NFAT5: variants seen among roughly 807,000 people sequenced by gnomAD.
NFAT5 encodes the protein nuclear factor of activated T-cells 5.
NFAT5 carries 31 observed loss-of-function variants against 166.5 expected under a neutral mutation model. The ratio of observed to expected loss-of-function variants is 0.19; its 90% confidence interval spans 0.14 to 0.25. NFAT5 has a LOEUF of 0.25. Among genes scored for constraint, NFAT5 ranks in the 10% least tolerant of loss-of-function variants. NFAT5 has a pLI of 1.00. For missense variants in NFAT5, 1,449 were observed against 1,821.8 expected, an observed-to-expected ratio of 0.80 and a Z score of 3.72; for synonymous variants, 612 against 639.7, an observed-to-expected ratio of 0.96 and a Z score of 0.65.
chr16:69,657,579 A>G (rs1355368794), intron 6 of NFAT5, among the ~76,000 whole-genome samples: 1 of 143,806 alleles, frequency 7.0e-6, no homozygotes, highest in African/African-American at 2.6e-5. Flanking sequence ...GCCAAGATGG[A>G]GAAACCCTGT....
intron 7 of NFAT5, among the ~76,000 whole-genome samples, chr16:69,663,494 G>A (rs1295447498): frequency 6.6e-6 from 1 of 150,842 alleles, no homozygotes; most frequent in African/African-American, 2.4e-5. Context: ...CAGCTACTTG[G>A]GAGGCTGAGG....
intron 13 of NFAT5, among the ~76,000 whole-genome samples, chr16:69,694,507 G>A (rs56295329): frequency 8.5e-5 from 13 of 152,166 alleles, no homozygotes; most frequent in African/African-American, 2.6e-4. Context: ...CGCTGGCCTC[G>A]GCCTCCCAAA....
intron 2 of NFAT5, among the ~76,000 whole-genome samples, chr16:69,617,189 G>A (rs1470681941): frequency 3.9e-5 from 6 of 152,050 alleles, no homozygotes; most frequent in South Asian, 2.1e-4. Flanking sequence ...TGATCCGCCC[G>A]CCTCGGCCTC....
At chr16:69,612,793 T>C (rs986400994) in intron 2 of NFAT5, among the ~76,000 whole-genome samples, 2 of 151,624 alleles carry the variant, frequency 1.3e-5, no homozygotes, top group Non-Finnish European at 2.9e-5. Context: ...AGGATCAGTT[T>C]AGGCCCGGGA....
intron 2 of NFAT5, among the ~76,000 whole-genome samples, chr16:69,599,448 G>A (rs1026088688): frequency 1.3e-5 from 2 of 152,250 alleles, no homozygotes; most frequent in South Asian, 2.1e-4. Context: ...ATGGTGGCGC[G>A]TGCCTGTAAT....
chr16:69,670,456 C>T (rs2036580179), intron 9 of NFAT5, among the ~76,000 whole-genome samples, 168 bp downstream of exon 9: 1 of 152,126 alleles, frequency 6.6e-6, no homozygotes, highest in African/African-American at 2.4e-5. Flanking sequence ...GAATTATTTT[C>T]CTAATGGTAA....
intron 6 of NFAT5, among the ~76,000 whole-genome samples, chr16:69,657,241 C>T (rs1341499672): frequency 6.6e-6 from 1 of 151,614 alleles, no homozygotes; most frequent in Non-Finnish European, 1.5e-5. Context: ...AGCGATTCTC[C>T]TCCCTCAGCC....
At chr16:69,684,628 C>G (rs1196985175) in intron 10 of NFAT5, among the ~76,000 whole-genome samples, 1 of 151,924 alleles carries the variant, frequency 6.6e-6, no homozygotes, top group Non-Finnish European at 1.5e-5. Context: ...AGTGATCACC[C>G]GCCTTGGCTT....
chr16:69,571,684 T>C (rs2016446393), intron 2 of NFAT5, among the ~76,000 whole-genome samples: 1 of 152,022 alleles, frequency 6.6e-6, no homozygotes, highest in South Asian at 2.1e-4. Flanking sequence ...AGAACGTACG[T>C]TTTCCAAATT....
intron 2 of NFAT5, among the ~76,000 whole-genome samples, chr16:69,616,196 C>T (rs2033935755): frequency 6.6e-6 from 1 of 152,088 alleles, no homozygotes; most frequent in African/African-American, 2.4e-5. Flanking sequence ...CCTCCTTATT[C>T]AGCTCAGGCT....
At chr16:69,660,804 C>T (rs1053835033) in intron 7 of NFAT5, among the ~76,000 whole-genome samples, 6 of 151,562 alleles carry the variant, frequency 4.0e-5, no homozygotes, top group Non-Finnish European at 7.4e-5. Flanking sequence ...TCACGTCTCT[C>T]TCTCTCTTTT....
At position 69,641,277 on chromosome 16, in the gene NFAT5, CAAAAAAAAAAAA is replaced by C. The variant is rs60281310; in HGVS notation, c.254-5739_254-5728del. ...TGGGCAACAGAGTGAGACTCCGTCT[CAAAAAAAAAAAA>C]AAAAAAAAAAAGGAAATTGTTTCCA... On this transcript the variant is annotated intron_variant, in intron 3 of 14. Coordinates refer to ENST00000349945, the MANE Select transcript of NFAT5 (RefSeq NM_138713.4). 3.7e-3 allele frequency among the ~76,000 whole-genome samples: 267 copies of C among 72,906 alleles called. 5 individuals carry two copies. The highest frequency in any genetic ancestry group is 0.013 in the African/African-American group (239 of 19,084). The allele number at this position is 72,906 out of a possible 152,430, so 47.8% of individuals were successfully genotyped here. A position where few individuals can be genotyped will look rare whatever the true frequency, so the allele number is the denominator to read the frequency against.
In NFAT5 at chr16:69,646,086, T is replaced by C. The variant is rs150320342; in HGVS notation, c.254-942T>C. Among the ~76,000 whole-genome samples the C allele has an allele frequency of 2.0e-4, 30 of 152,330 alleles. No individual in the cohort carries two copies. In the Middle Eastern group the frequency reaches 0.01, roughly 52 times the overall value. On this transcript the variant is annotated intron_variant, in intron 3 of 14. Coordinates refer to ENST00000349945, the MANE Select transcript of NFAT5 (RefSeq NM_138713.4). ...AGTAAAATTTACCATTGTTCTTACA[T>C]TGGAAAATTCCCTTACTAGTCACAA...
rs144689669 is a variant in NFAT5 at position 69,611,553 on chromosome 16, A to T, written c.128-14850A>T. Among the ~76,000 whole-genome samples, 117 of 152,354 alleles carry T rather than the reference A, an allele frequency of 7.7e-4. 4 individuals are homozygous for T. The East Asian group carries it at 0.018, about 24-fold the overall frequency. On this transcript the variant is annotated intron_variant, in intron 2 of 14. Transcript: ENST00000349945. ...TAGAAATGTATTGCTGATAGTCTGCAGTATGGAGTCTGGGGAGTCCAGGAT... is the reference window on the plus strand; with the variant it reads ...TAGAAATGTATTGCTGATAGTCTGCTGTATGGAGTCTGGGGAGTCCAGGAT...
At chr16:69,627,727 A>T (rs1231570185) in intron 3 of NFAT5, among the ~76,000 whole-genome samples, 1 of 152,184 alleles carries the variant, frequency 6.6e-6, no homozygotes, top group African/African-American at 2.4e-5. Context: ...ATGTGTTGCC[A>T]GACACTTTCT....
At chr16:69,608,289 C>A (rs2033521397) in intron 2 of NFAT5, among the ~76,000 whole-genome samples, 1 of 152,144 alleles carries the variant, frequency 6.6e-6, no homozygotes, top group African/African-American at 2.4e-5. Context: ...TAGTTCCCCA[C>A]ATGCATACAT....
intron 10 of NFAT5, among the ~76,000 whole-genome samples, chr16:69,679,234 T>G (rs2036956975): frequency 6.6e-6 from 1 of 151,868 alleles, no homozygotes; most frequent in Non-Finnish European, 1.5e-5. Context: ...CCCAGCCTCA[T>G]ATTTTATTCT....
chr16:69,617,799 AT>A (rs1169027315), intron 2 of NFAT5, among the ~76,000 whole-genome samples: 2 of 152,016 alleles, frequency 1.3e-5, no homozygotes, highest in Admixed American at 1.3e-4. Flanking sequence ...GCTGAACATA[AT>A]TTTAAAGTTT....
At chr16:69,599,461 C>T (rs1199194367) in intron 2 of NFAT5, among the ~76,000 whole-genome samples, 9 of 152,254 alleles carry the variant, frequency 5.9e-5, no homozygotes, top group Non-Finnish European at 1.2e-4. Flanking sequence ...CCTGTAATCC[C>T]AGCTGCTCGG....
Sources: gnomAD v4.1 joint callset for allele counts (sites outside exome capture counted in the v4.1 genomes callset) on GRCh38, gnomAD v4.1.1 for gene constraint, MANE v1.5 for transcripts, NCBI Gene and HGNC (gene_info 2026-07-23, HGNC 2026-07-21) for gene names.